Variants in PTPRD observed in about 807,000 individuals in gnomAD.
PTPRD encodes protein tyrosine phosphatase receptor type D.
In PTPRD, 34 loss-of-function variants were observed where a neutral mutation model predicts 214.5. The ratio of observed to expected loss-of-function variants is 0.16; its 90% CI spans 0.12 to 0.21. The LOEUF is 0.21. Ranked by LOEUF, PTPRD falls within the 10% of genes least tolerant of loss-of-function variation. The pLI is 1.00. For synonymous variants in PTPRD, 1,128 were observed against 845.7 expected (o/e 1.33, Z -5.79); for missense variants, 2,545 against 2,398.7 (o/e 1.06, Z -1.27).
chr9:10,191,546 A>T (rs892929316), intron 3 of PTPRD, among the ~76,000 whole-genome samples: 1 of 152,180 alleles, frequency 6.6e-6, no homozygotes, highest in Non-Finnish European at 1.5e-5. Flanking sequence ...AACACATTCC[A>T]AACTTTAGTT....
chr9:10,567,333 C>A (rs563288528), intron 2 of PTPRD, among the ~76,000 whole-genome samples: 1 of 152,068 alleles, frequency 6.6e-6, no homozygotes, highest in South Asian at 2.1e-4. Context: ...CATAATAATA[C>A]AAATTTCAAT....
At chr9:8,614,980 CCTT>C (rs1383172427) in intron 14 of PTPRD, among the ~76,000 whole-genome samples, 1 of 152,108 alleles carries the variant, frequency 6.6e-6, no homozygotes, top group Non-Finnish European at 1.5e-5. Context: ...CTTCTTTGCT[CCTT>C]CTTTTGTTTG....
intron 7 of PTPRD, among the ~76,000 whole-genome samples, chr9:9,580,800 C>A (rs2090551345): frequency 6.6e-6 from 1 of 152,040 alleles, no homozygotes; most frequent in Non-Finnish European, 1.5e-5. Context: ...CCACCCACCT[C>A]AGCCTCCCAA....
intron 7 of PTPRD, among the ~76,000 whole-genome samples, chr9:9,633,884 T>C (rs1230119328): frequency 6.6e-6 from 1 of 152,206 alleles, no homozygotes; most frequent in Admixed American, 6.5e-5. Flanking sequence ...TCATGCAGTA[T>C]ATCTTGCCCA....
chr9:8,388,505 C>T (rs2088076561), intron 37 of PTPRD, among the ~76,000 whole-genome samples: 1 of 152,144 alleles, frequency 6.6e-6, no homozygotes, highest in Admixed American at 6.6e-5. Context: ...AAAATGTACA[C>T]ATGTACTCAG....
intron 5 of PTPRD, among the ~76,000 whole-genome samples, chr9:9,832,700 T>C (rs2055292682): frequency 1.3e-5 from 2 of 151,930 alleles, no homozygotes; most frequent in Admixed American, 1.3e-4. Context: ...AAGGAAGACA[T>C]AGACACTTTC....
intron 11 of PTPRD, among the ~76,000 whole-genome samples, chr9:8,827,349 G>A (rs1389303474): frequency 3.3e-5 from 5 of 152,172 alleles, no homozygotes; most frequent in East Asian, 1.9e-4. Flanking sequence ...GCTCATGCCT[G>A]TAATCCCAGC....
At chr9:9,189,217 C>T (rs2099933571) in intron 9 of PTPRD, among the ~76,000 whole-genome samples, 3 of 151,824 alleles carry the variant, frequency 2.0e-5, no homozygotes, top group Admixed American at 6.6e-5. Flanking sequence ...GAAAAAATAT[C>T]CTCTAGAGTC....
At chr9:9,994,179 T>A (rs956746434) in intron 4 of PTPRD, among the ~76,000 whole-genome samples, 1 of 152,178 alleles carries the variant, frequency 6.6e-6, no homozygotes, top group Non-Finnish European at 1.5e-5. Flanking sequence ...GGACCTAATC[T>A]GTTGCTCTAG....
At chr9:9,266,281 G>C (rs1939606618) in intron 9 of PTPRD, among the ~76,000 whole-genome samples, 1 of 151,048 alleles carries the variant, frequency 6.6e-6, no homozygotes, top group East Asian at 2.0e-4. Flanking sequence ...ACATCTTAAG[G>C]GAGACATGAC....
intron 9 of PTPRD, among the ~76,000 whole-genome samples, chr9:9,368,796 C>T (rs902380999): frequency 3.3e-5 from 5 of 151,788 alleles, no homozygotes; most frequent in Non-Finnish European, 7.4e-5. Context: ...TTTTAGAGTA[C>T]ATGTGCACAA....
chr9:10,598,732 G>GTA (rs2077249488), intron 2 of PTPRD, among the ~76,000 whole-genome samples: 1 of 145,158 alleles, frequency 6.9e-6, no homozygotes, highest in African/African-American at 2.5e-5. Flanking sequence ...GTGTGTGTGT[G>GTA]TAGATGGATA....
intron 10 of PTPRD, among the ~76,000 whole-genome samples, chr9:9,161,709 A>T (rs1205600045): frequency 6.6e-6 from 1 of 152,090 alleles, no homozygotes; most frequent in Non-Finnish European, 1.5e-5. Flanking sequence ...GTACATTGAC[A>T]TCTGTGGCAA....
intron 2 of PTPRD, among the ~76,000 whole-genome samples, chr9:10,466,449 C>T (rs1359808569): frequency 6.6e-6 from 1 of 151,610 alleles, no homozygotes; most frequent in Non-Finnish European, 1.5e-5. Flanking sequence ...CATGAAGAAA[C>T]CCTGTTTCTA....
At chr9:8,353,479 C>G (rs946294760) in intron 39 of PTPRD, among the ~76,000 whole-genome samples, 7 of 152,118 alleles carry the variant, frequency 4.6e-5, no homozygotes, top group African/African-American at 1.7e-4. Context: ...GCCCAGGAGG[C>G]TGGAGTGTGC....
chr9:9,269,725 A>G (rs1228244466), intron 9 of PTPRD, among the ~76,000 whole-genome samples: 2 of 151,388 alleles, frequency 1.3e-5, no homozygotes, highest in Non-Finnish European at 3.0e-5. Context: ...TGAACCTGGA[A>G]CACATTTTAC....
At chr9:9,933,419 G>A (rs558142369) in intron 5 of PTPRD, among the ~76,000 whole-genome samples, 1 of 151,676 alleles carries the variant, frequency 6.6e-6, no homozygotes, top group East Asian at 1.9e-4. Context: ...AAAGGCAGGG[G>A]TTGCAATCCT....
chr9:8,419,498 G>A (rs1202070927), intron 35 of PTPRD, among the ~76,000 whole-genome samples: 1 of 151,806 alleles, frequency 6.6e-6, no homozygotes, highest in African/African-American at 2.4e-5. Flanking sequence ...TAACAATATG[G>A]GTAAAGTAAC....
At chr9:8,748,541 G>GAAAA (rs1276346481) in intron 11 of PTPRD, among the ~76,000 whole-genome samples, 69 of 103,000 alleles carry the variant, frequency 6.7e-4, no homozygotes, top group South Asian at 5.0e-3. Flanking sequence ...AAAAAAAAAA[G>GAAAA]AAAAAGAAAA....
Sources: gnomAD v4.1 joint callset for allele counts (sites outside exome capture counted in the v4.1 genomes callset) on GRCh38, gnomAD v4.1.1 for gene constraint, MANE v1.5 for transcripts, NCBI Gene and HGNC (gene_info 2026-07-23, HGNC 2026-07-21) for gene names.